Variants in XCR1 observed in about 807,000 individuals in gnomAD.
The protein encoded by XCR1 is chemokine XC receptor 1.
For synonymous variants in XCR1, 187 were observed against 188.5 expected, an observed-to-expected ratio of 0.99 and a Z score of 0.06; for missense variants, 356 against 424.2, an observed-to-expected ratio of 0.84 and a Z score of 1.41.
intron 5 of XCR1, among the ~76,000 whole-genome samples, chr3:46,032,786 AG>A (rs1708423974): frequency 1.3e-5 from 2 of 152,252 alleles, no homozygotes; most frequent in South Asian, 4.1e-4. Context: ...CATTCACGTT[AG>A]CATTTGATGT....
intron 1 of XCR1, among the ~76,000 whole-genome samples, chr3:46,080,069 T>TAA (rs112696786): frequency 5.4e-5 from 8 of 148,408 alleles, no homozygotes; most frequent in South Asian, 2.1e-4. Context: ...TTTGAACAGT[T>TAA]AAAAAAAAAA....
intron 4 of XCR1, among the ~76,000 whole-genome samples, chr3:46,059,819 C>T (rs1430401888): frequency 6.6e-6 from 1 of 152,212 alleles, no homozygotes; most frequent in Non-Finnish European, 1.5e-5. Flanking sequence ...TGGATATCTA[C>T]AGCTATCGTC....
chr3:46,023,135 G>T (rs542855337), intron 1 of XCR1, among the ~76,000 whole-genome samples: 1 of 152,276 alleles, frequency 6.6e-6, no homozygotes, highest in Non-Finnish European at 1.5e-5. Context: ...GGGTCGCGGC[G>T]GCGGCGCAGG....
intron 5 of XCR1, among the ~76,000 whole-genome samples, chr3:46,041,549 A>G (rs1697536684): frequency 6.6e-6 from 1 of 152,202 alleles, no homozygotes; most frequent in African/African-American, 2.4e-5. Flanking sequence ...CCTCCTTAGC[A>G]TGAAGCAGCC....
chr3:46,052,922 G>C (rs1336797089), intron 5 of XCR1, among the ~76,000 whole-genome samples: 1 of 152,162 alleles, frequency 6.6e-6, no homozygotes, highest in Non-Finnish European at 1.5e-5. Flanking sequence ...TGTGGCCCAG[G>C]CGCATTTAGT....
At chr3:46,041,676 C>T (rs1033675044) in intron 5 of XCR1, among the ~76,000 whole-genome samples, 1 of 152,146 alleles carries the variant, frequency 6.6e-6, no homozygotes, top group Non-Finnish European at 1.5e-5. Context: ...AGAAATTGAT[C>T]CTTCTGGTCT....
intron 5 of XCR1, among the ~76,000 whole-genome samples, chr3:46,033,419 C>T (rs1697343628): frequency 6.6e-6 from 1 of 152,156 alleles, no homozygotes; most frequent in South Asian, 2.1e-4. Flanking sequence ...ATTGTTCTAG[C>T]ACCACTTGTT....
intron 1 of XCR1, among the ~76,000 whole-genome samples, chr3:46,082,655 T>A (rs1213645360): frequency 7.8e-6 from 1 of 127,650 alleles, no homozygotes; most frequent in African/African-American, 2.5e-5. Flanking sequence ...CACACCCAGC[T>A]AATTAAAAAA....
rs750737299 is a variant in XCR1, at chr3:46,021,389, C to T, written c.559G>A (p.Val187Ile). The change falls in exon 2 of 2, where the codon GTC (valine) becomes ATC (isoleucine). Residue 187 changes from valine (V) to isoleucine (I), a missense_variant. Coordinates refer to ENST00000309285, the MANE Select transcript of XCR1 (RefSeq NM_001024644.2). This position sits in a 1 kb window ranked among gnomAD's most constrained non-coding sequence, Gnocchi z 4.7. ...AGGAAGAAGAGGTTGTGCTGGTAGA[C>T]GGAGGTGAGGTACCACGTGAGTTCG... ...YSELTWYLTS[V>I]YQHNLFFLLS... 23 of 1,614,116 alleles carry T rather than the reference C, an allele frequency of 1.4e-5. No homozygotes were observed. In the East Asian group the frequency reaches 3.8e-4, roughly 27 times the overall value.
intron 1 of XCR1, among the ~76,000 whole-genome samples, chr3:46,083,235 G>A (rs912415002): frequency 2.0e-5 from 3 of 152,172 alleles, no homozygotes; most frequent in African/African-American, 7.2e-5. Context: ...CATTGATCCA[G>A]TAATGCCTCA....
chr3:46,057,974 T>C (rs1198590474), intron 4 of XCR1, among the ~76,000 whole-genome samples: 1 of 152,012 alleles, frequency 6.6e-6, no homozygotes, highest in East Asian at 1.9e-4. Context: ...TATGTATCTA[T>C]CATCTATCGA....
chr3:46,083,319 A>C (rs562844494), intron 1 of XCR1, among the ~76,000 whole-genome samples: 4 of 152,310 alleles, frequency 2.6e-5, no homozygotes, highest in African/African-American at 7.2e-5. Context: ...GGAGAAAATC[A>C]CCAGCCATGG....
chr3:46,074,212 A>ATTTTTTTTTTTTTT (rs1384010299), intron 3 of XCR1, among the ~76,000 whole-genome samples: 4 of 88,384 alleles, frequency 4.5e-5, no homozygotes, highest in East Asian at 3.1e-4. Context: ...ACTGAAGGCC[A>ATTTTTTTTTTTTTT]TCTTTTTTTT....
At chr3:46,053,730 C>A (rs183817891) in intron 5 of XCR1, among the ~76,000 whole-genome samples, 2 of 151,954 alleles carry the variant, frequency 1.3e-5, no homozygotes, top group East Asian at 3.9e-4. Context: ...GCATAATAAC[C>A]TCCCATAGCA....
In XCR1 at chr3:46,021,740, T is replaced by G. The variant is rs1278443569; in HGVS notation, c.208A>C (p.Ile70Leu). Residue 70 changes from isoleucine (I) to leucine (L), a missense_variant, in exon 2 of 2, where the codon ATC (isoleucine) becomes CTC (leucine). Ile to Leu is a conservative substitution (Grantham distance 5). Coordinates refer to ENST00000309285, the MANE Select transcript of XCR1 (RefSeq NM_001024644.2). The surrounding 1 kb of genome is among the most constrained non-coding windows in gnomAD (Gnocchi z 4.7). ...AGGTCTGAGAGGCACAGGTTGAGGA[T>G]GAAGATGTTGGTGAGGGACTCCAGG... ...ESLESLTNIF[I>L]LNLCLSDLVF... The G allele has an allele frequency of 6.2e-7, 1 of 1,613,730 alleles. No individual in the cohort carries two copies. Among genetic ancestry groups the G allele is most frequent in the African/African-American group, 1.3e-5 (1 of 74,782 alleles).
intron 3 of XCR1, among the ~76,000 whole-genome samples, chr3:46,070,457 A>T (rs1221215666): frequency 1.3e-5 from 2 of 151,808 alleles, no homozygotes; most frequent in African/African-American, 2.4e-5. Flanking sequence ...TATTAATCTG[A>T]GTGCTGTGGT....
chr3:46,036,417 T>G (rs1697432089), intron 5 of XCR1, among the ~76,000 whole-genome samples: 1 of 152,224 alleles, frequency 6.6e-6, no homozygotes, highest in African/African-American at 2.4e-5. Flanking sequence ...TGCATATGCA[T>G]GTCTAGATGT....
At chr3:46,080,075 A>C (rs1698330660) in intron 1 of XCR1, among the ~76,000 whole-genome samples, 1 of 152,100 alleles carries the variant, frequency 6.6e-6, no homozygotes, top group African/African-American at 2.4e-5. Flanking sequence ...CAGTTAAAAA[A>C]AAAACCTTTT....
chr3:46,028,878 C>T, upstream of XCR1, among the ~76,000 whole-genome samples: 1 of 152,172 alleles, frequency 6.6e-6, no homozygotes. Context: ...AGACCTGAGC[C>T]ACCATGCCTG....
Sources: gnomAD v4.1 joint callset for allele counts (sites outside exome capture counted in the v4.1 genomes callset) on GRCh38, gnomAD v4.1.1 for gene constraint, Gnocchi (gnomAD v3.1) non-coding constraint, MANE v1.5 for transcripts, NCBI Gene and HGNC (gene_info 2026-07-23, HGNC 2026-07-21) for gene names.